Variants in SPMIP4 observed in about 807,000 individuals in gnomAD.
The protein encoded by SPMIP4 is sperm microtubule inner protein 4.
chr7:25,134,669 A>AG, the SPMIP4 span: 6 of 986,024 alleles, frequency 6.1e-6, no homozygotes, highest in Non-Finnish European at 7.2e-6. Context: ...ACAAAACTCT[A>AG]GGAGTGCAAT....
chr7:25,140,098 G>A, the SPMIP4 span, among the ~76,000 whole-genome samples: 2 of 152,116 alleles, frequency 1.3e-5, no homozygotes, highest in African/African-American at 4.8e-5. Flanking sequence ...GACAGTTGTT[G>A]AACACACCTG....
the SPMIP4 span, among the ~76,000 whole-genome samples, chr7:25,163,257 C>T: frequency 6.6e-6 from 1 of 152,166 alleles, no homozygotes. The surrounding 1 kb of genome is among the most constrained non-coding windows in gnomAD (Gnocchi z 4.4). Flanking sequence ...GTGTCATTTC[C>T]TGTATGTGTG....
the SPMIP4 span, chr7:25,161,266 A>C: frequency 7.0e-7 from 1 of 1,431,860 alleles, no homozygotes; most frequent in Non-Finnish European, 9.6e-7. Context: ...GCTTTCTGAA[A>C]AGAAAGAAAA....
At chr7:25,126,396 C>T in the SPMIP4 span, among the ~76,000 whole-genome samples, 2 of 151,842 alleles carry the variant, frequency 1.3e-5, no homozygotes, top group Non-Finnish European at 2.9e-5. Flanking sequence ...AGGCTGGTCT[C>T]GAACTCCTGA....
the SPMIP4 span, among the ~76,000 whole-genome samples, chr7:25,165,317 T>C: frequency 6.6e-6 from 1 of 152,318 alleles, no homozygotes; most frequent in Non-Finnish European, 1.5e-5. Context: ...AGCATAGGTA[T>C]AGAATATTGG....
At chr7:25,165,938 G>A in the SPMIP4 span, among the ~76,000 whole-genome samples, 1 of 152,150 alleles carries the variant, frequency 6.6e-6, no homozygotes, top group Non-Finnish European at 1.5e-5. Context: ...CCGCTTCCCA[G>A]CCTTCCTAGC....
the SPMIP4 span, among the ~76,000 whole-genome samples, chr7:25,133,350 T>G: frequency 6.6e-6 from 1 of 152,230 alleles, no homozygotes; most frequent in South Asian, 2.1e-4. Context: ...AGCACAGTTT[T>G]GTACACTTTG....
the SPMIP4 span, among the ~76,000 whole-genome samples, chr7:25,178,679 G>A: frequency 2.0e-5 from 3 of 152,158 alleles, no homozygotes; most frequent in Non-Finnish European, 2.9e-5. Flanking sequence ...CTTACTTCTC[G>A]AGTTCCTTAC....
the SPMIP4 span, among the ~76,000 whole-genome samples, chr7:25,144,092 G>A: frequency 6.6e-6 from 1 of 152,176 alleles, no homozygotes; most frequent in Admixed American, 6.5e-5. Flanking sequence ...GATAGTGGTG[G>A]CAAGTGTGGA....
chr7:25,169,074 C>A, the SPMIP4 span, among the ~76,000 whole-genome samples: 2 of 151,674 alleles, frequency 1.3e-5, no homozygotes, highest in African/African-American at 4.8e-5. Flanking sequence ...AATTCACTTG[C>A]CACACAATTC....
At chr7:25,155,325 A>T in the SPMIP4 span, 1 of 647,798 alleles carries the variant, frequency 1.5e-6, no homozygotes, top group Non-Finnish European at 2.5e-6. Context: ...GGGATAGGAC[A>T]GTGAGTCAAT....
the SPMIP4 span, chr7:25,168,188 A>G: frequency 1.0e-6 from 1 of 971,110 alleles, no homozygotes; most frequent in Non-Finnish European, 1.5e-6. Flanking sequence ...AGTAAGAGAA[A>G]TAAGTTTGAA....
chr7:25,142,232 A>G, the SPMIP4 span: 2 of 1,601,936 alleles, frequency 1.2e-6, no homozygotes, highest in South Asian at 2.2e-5. Context: ...GTTGACTGCA[A>G]TTACTTACCG....
the SPMIP4 span, chr7:25,136,132 T>A: frequency 1.2e-6 from 2 of 1,614,178 alleles, no homozygotes; most frequent in Non-Finnish European, 1.7e-6. The surrounding 1 kb of genome is among the most constrained non-coding windows in gnomAD (Gnocchi z 5.7). Context: ...CAGGTTGGTC[T>A]GAGGTTTGGT....
chr7:25,135,099 C>T, the SPMIP4 span: 3 of 368,296 alleles, frequency 8.1e-6, no homozygotes, highest in Non-Finnish European at 1.1e-5. Flanking sequence ...TAAAATCTAC[C>T]TCTTGGCACA....
At chr7:25,172,384 C>G in the SPMIP4 span, among the ~76,000 whole-genome samples, 11 of 152,144 alleles carry the variant, frequency 7.2e-5, no homozygotes, top group Non-Finnish European at 1.5e-4. The surrounding 1 kb of genome is among the most constrained non-coding windows in gnomAD (Gnocchi z 4.2). Flanking sequence ...GGGGACTGCA[C>G]TGGTTGAAAA....
the SPMIP4 span, chr7:25,134,579 T>A: frequency 1.4e-6 from 1 of 700,796 alleles, no homozygotes. Flanking sequence ...GTAGGCAGAG[T>A]GAACACCATA....
At chr7:25,179,101 T>C in the SPMIP4 span, 2 of 1,430,450 alleles carry the variant, frequency 1.4e-6, no homozygotes, top group Non-Finnish European at 1.9e-6. Flanking sequence ...ATAAATGTTT[T>C]TCCTCACATA....
At chr7:25,136,219 T>C in the SPMIP4 span, 1 of 1,614,204 alleles carries the variant, frequency 6.2e-7, no homozygotes, top group Non-Finnish European at 8.5e-7. The surrounding 1 kb of genome is among the most constrained non-coding windows in gnomAD (Gnocchi z 5.7). Context: ...CAACTCTTCT[T>C]CTGGCTTACT....
Sources: allele counts gnomAD v4.1 joint callset (sites outside exome capture counted in the v4.1 genomes callset), GRCh38; gene constraint gnomAD v4.1.1; non-coding constraint Gnocchi (gnomAD v3.1); transcripts MANE v1.5; gene names NCBI Gene and HGNC (gene_info 2026-07-23, HGNC 2026-07-21).